Variants in SCD5 observed in about 807,000 individuals in gnomAD.
SCD5 encodes the protein stearoyl-CoA desaturase 5, also known as acyl-CoA-desaturase 4.
In SCD5, 20 loss-of-function variants were observed where a neutral mutation model predicts 30.4. The observed-to-expected ratio is 0.66, with a 90% CI of 0.46 to 0.96. The LOEUF is 0.96. Among genes scored for constraint, SCD5 ranks in the 40% least tolerant of loss-of-function variants. The probability of loss-of-function intolerance (pLI) is 0.00; values close to 1 mark genes in which losing one functional copy is unlikely to be tolerated. For missense variants in SCD5, 381 were observed against 443.3 expected, an observed-to-expected ratio of 0.86 and a Z score of 1.26; for synonymous variants, 173 against 176.4, an observed-to-expected ratio of 0.98 and a Z score of 0.16.
intron 2 of SCD5, among the ~76,000 whole-genome samples, chr4:82,703,130 G>A (rs182991974): frequency 6.6e-6 from 1 of 152,280 alleles, no homozygotes; most frequent in Admixed American, 6.5e-5. Flanking sequence ...TTCTCACTGT[G>A]CCTTCTCAGT....
chr4:82,686,013 T>C (rs1335938781), intron 2 of SCD5, among the ~76,000 whole-genome samples: 1 of 151,470 alleles, frequency 6.6e-6, no homozygotes, highest in Non-Finnish European at 1.5e-5. Flanking sequence ...TTATGCACTT[T>C]TTTTTTTTTT....
rs1720336291 is a variant in SCD5, at chr4:82,720,193, G to T, written c.233-14780C>A. On this transcript the variant is annotated intron_variant, in intron 1 of 4. Transcript: ENST00000319540. ...GCCTGTAATCCTAGCACTTTGGGAG[G>T]CCTAGGAGGGAGGACTGTTTGTGCC... 3.3e-5 allele frequency among the ~76,000 whole-genome samples: 5 copies of T among 152,108 alleles called. No individual in the cohort carries two copies. The South Asian group carries it at 1.0e-3, about 32-fold the overall frequency.
intron 1 of SCD5, among the ~76,000 whole-genome samples, chr4:82,715,034 C>T (rs991866388): frequency 6.6e-6 from 1 of 151,134 alleles, no homozygotes; most frequent in Non-Finnish European, 1.5e-5. Flanking sequence ...GTCAGGAGTT[C>T]GAGACCAGCC....
chr4:82,675,862 A>C (rs1399320192), intron 3 of SCD5, among the ~76,000 whole-genome samples: 1 of 152,264 alleles, frequency 6.6e-6, no homozygotes, highest in African/African-American at 2.4e-5. Flanking sequence ...GCTCTGCTTA[A>C]GGCAGAACAA....
chr4:82,730,749 C>T (rs1345582729), intron 1 of SCD5, among the ~76,000 whole-genome samples: 1 of 151,738 alleles, frequency 6.6e-6, no homozygotes, highest in Non-Finnish European at 1.5e-5. Context: ...CCACGCCCGG[C>T]TAATTTTTTG....
intron 2 of SCD5, among the ~76,000 whole-genome samples, chr4:82,686,162 T>C (rs1052659293): frequency 5.3e-5 from 8 of 152,150 alleles, no homozygotes; most frequent in African/African-American, 1.9e-4. Context: ...CATGCCACTA[T>C]GCCCAGCTAA....
At chr4:82,753,014 C>T (rs1247481561) in intron 1 of SCD5, among the ~76,000 whole-genome samples, 2 of 152,180 alleles carry the variant, frequency 1.3e-5, no homozygotes, top group Admixed American at 6.5e-5. Context: ...ACCATCCAGA[C>T]TTTGGCTGTG....
At chr4:82,683,968 A>G in intron 2 of SCD5, among the ~76,000 whole-genome samples, 1 of 152,236 alleles carries the variant, frequency 6.6e-6, no homozygotes, top group Non-Finnish European at 1.5e-5. Flanking sequence ...TGGCAATGTG[A>G]TAATGAACTA....
intron 2 of SCD5, among the ~76,000 whole-genome samples, chr4:82,691,112 G>C (rs1200208272): frequency 1.3e-5 from 2 of 152,136 alleles, no homozygotes; most frequent in African/African-American, 4.8e-5. Context: ...TGCAACCTCT[G>C]CCTCCCAGGT....
Position 82,636,671 on chromosome 4 carries a change from G to A in SCD5, c.722C>T (p.Ala241Val), listed in dbSNP as rs1727438355. 6.2e-7 allele frequency: 1 copy of A among 1,614,096 alleles called. No individual in the cohort carries two copies. Among genetic ancestry groups the A allele is most frequent in the Non-Finnish European group, 8.5e-7 (1 of 1,180,050 alleles). ...GGGCCGGTTTCCATACATGTGGGCG[G>A]CGCTGTTGACCAGCCAGCTGATGTT... ...SLNISWLVNSAAHMYGNRPYD... is the reference protein window; with the variant it reads ...SLNISWLVNSVAHMYGNRPYD... The change falls in exon 4 of 5, where the codon GCC (alanine) becomes GTC (valine). Residue 241 changes from alanine (A) to valine (V), a missense_variant. Ala to Val is a moderately conservative substitution (Grantham distance 64). Coordinates refer to ENST00000319540, the MANE Select transcript of SCD5 (RefSeq NM_001037582.3).
chr4:82,736,637 T>C (rs1174119835), intron 1 of SCD5, among the ~76,000 whole-genome samples: 1 of 151,906 alleles, frequency 6.6e-6, no homozygotes, highest in African/African-American at 2.4e-5. Flanking sequence ...TTAATAGTAA[T>C]ATTATATTTC....
chr4:82,757,254 C>A (rs989724896), intron 1 of SCD5, among the ~76,000 whole-genome samples: 1 of 152,166 alleles, frequency 6.6e-6, no homozygotes, highest in African/African-American at 2.4e-5. Flanking sequence ...TGTGGTTCTT[C>A]TGTGGAAAAG....
chr4:82,696,445 C>T (rs544431884), intron 2 of SCD5, among the ~76,000 whole-genome samples: 1 of 152,228 alleles, frequency 6.6e-6, no homozygotes, highest in East Asian at 1.9e-4. Context: ...GGGGAAGAGG[C>T]CACTAACAGA....
chr4:82,660,945 A>G, intron 3 of SCD5: 1 of 1,614,240 alleles, frequency 6.2e-7, no homozygotes. Context: ...GGTTACAATG[A>G]GTATGTAACA....
intron 2 of SCD5, among the ~76,000 whole-genome samples, chr4:82,698,278 G>A (rs1351670438): frequency 1.3e-5 from 2 of 152,154 alleles, no homozygotes; most frequent in Non-Finnish European, 2.9e-5. Context: ...AAGGATTCCT[G>A]AGCTGCACTA....
intron 1 of SCD5, among the ~76,000 whole-genome samples, chr4:82,735,148 T>C (rs1479584443): frequency 2.6e-5 from 4 of 152,342 alleles, no homozygotes; most frequent in East Asian, 1.9e-4. Context: ...TTTGTTACAA[T>C]GTTGATGAGA....
chr4:82,783,024 A>ATTGATAAAAT (rs1369999445), intron 1 of SCD5, among the ~76,000 whole-genome samples: 1 of 152,236 alleles, frequency 6.6e-6, no homozygotes, highest in East Asian at 1.9e-4. Context: ...AAGAACCACC[A>ATTGATAAAAT]GCAACACTTG....
chr4:82,685,746 CA>C (rs1291346258), intron 2 of SCD5, among the ~76,000 whole-genome samples: 2 of 150,762 alleles, frequency 1.3e-5, no homozygotes, highest in South Asian at 2.1e-4. Flanking sequence ...AAACTAAAAA[CA>C]AAAAAAGTGA....
intron 1 of SCD5, among the ~76,000 whole-genome samples, chr4:82,756,927 G>A (rs1035115566): frequency 6.6e-6 from 1 of 151,996 alleles, no homozygotes; most frequent in Non-Finnish European, 1.5e-5. Flanking sequence ...GTGTTGTGGC[G>A]CAATCTTGGC....
Sources: allele counts gnomAD v4.1 joint callset (sites outside exome capture counted in the v4.1 genomes callset), GRCh38; gene constraint gnomAD v4.1.1; transcripts MANE v1.5; gene names NCBI Gene and HGNC (gene_info 2026-07-23, HGNC 2026-07-21).